Variants in CTNNA3 observed in about 807,000 individuals in gnomAD.
The protein encoded by CTNNA3 is catenin alpha 3.
In CTNNA3, 76 loss-of-function variants were observed where a neutral mutation model predicts 95.7. The observed-to-expected ratio is 0.79, with a 90% CI of 0.66 to 0.96. CTNNA3 has a LOEUF of 0.96. CTNNA3 is among the 40% of genes least tolerant of loss of function. The pLI is 0.00. For synonymous variants in CTNNA3, 431 were observed against 374.4 expected, an observed-to-expected ratio of 1.15 and a Z score of -1.74; for missense variants, 1,191 against 1,089.8, an observed-to-expected ratio of 1.09 and a Z score of -1.31.
intron 7 of CTNNA3, among the ~76,000 whole-genome samples, chr10:66,816,398 T>C (rs1842087493): frequency 6.6e-6 from 1 of 152,052 alleles, no homozygotes; most frequent in Non-Finnish European, 1.5e-5. Flanking sequence ...AAAAATCGAC[T>C]AATGGATTTT....
At chr10:66,642,073 T>C (rs1327625250) in intron 9 of CTNNA3, among the ~76,000 whole-genome samples, 2 of 152,082 alleles carry the variant, frequency 1.3e-5, no homozygotes, top group Non-Finnish European at 2.9e-5. Flanking sequence ...TGCCATGATA[T>C]GTGGATAAAA....
chr10:67,747,458 G>A (rs958454337), intron 1 of CTNNA3, among the ~76,000 whole-genome samples: 2 of 152,102 alleles, frequency 1.3e-5, no homozygotes, highest in Admixed American at 6.6e-5. Flanking sequence ...AACATCTCCA[G>A]GTGCGAGAGG....
chr10:67,381,701 T>C (rs1843953091), intron 5 of CTNNA3, among the ~76,000 whole-genome samples: 1 of 152,178 alleles, frequency 6.6e-6, no homozygotes, highest in Non-Finnish European at 1.5e-5. Context: ...ATATACAACA[T>C]ACATACAGTC....
At chr10:67,742,882 A>G (rs567907037) in intron 1 of CTNNA3, among the ~76,000 whole-genome samples, 2 of 151,544 alleles carry the variant, frequency 1.3e-5, no homozygotes, top group African/African-American at 4.8e-5. Flanking sequence ...ACCTCTACAC[A>G]AATAAACTAG....
intron 6 of CTNNA3, among the ~76,000 whole-genome samples, chr10:67,219,086 T>G (rs1240080927): frequency 6.6e-6 from 1 of 152,192 alleles, no homozygotes; most frequent in Non-Finnish European, 1.5e-5. Flanking sequence ...CTTCAAGCCT[T>G]TGCTCTAGAT....
intron 9 of CTNNA3, among the ~76,000 whole-genome samples, chr10:66,702,039 T>A (rs2132574224): frequency 6.6e-6 from 1 of 152,304 alleles, no homozygotes; most frequent in Admixed American, 6.5e-5. Context: ...ACAATCATTC[T>A]TGATTTTGAA....
chr10:67,315,336 G>A (rs1014915010), intron 5 of CTNNA3, among the ~76,000 whole-genome samples: 1 of 152,062 alleles, frequency 6.6e-6, no homozygotes, highest in African/African-American at 2.4e-5. Context: ...CAAATTGATT[G>A]ACAACTTAGC....
intron 2 of CTNNA3, 113 bp from the exon 3 acceptor site, chr10:67,607,162 G>T: frequency 1.3e-6 from 1 of 794,624 alleles, no homozygotes; most frequent in Non-Finnish European, 1.9e-6. Context: ...AGCAACTCAA[G>T]GGCTAGGGGC....
At chr10:66,057,870 A>G (rs771310672) in intron 15 of CTNNA3, among the ~76,000 whole-genome samples, 4 of 152,152 alleles carry the variant, frequency 2.6e-5, no homozygotes, top group Non-Finnish European at 4.4e-5. Context: ...CATATTTTAT[A>G]TTTCAATTAT....
intron 13 of CTNNA3, among the ~76,000 whole-genome samples, chr10:66,134,551 T>C (rs756813050): frequency 3.6e-4 from 55 of 152,110 alleles, no homozygotes; most frequent in Non-Finnish European, 1.5e-4. Flanking sequence ...AGTATAAGAA[T>C]ATATAGGTAT....
At chr10:67,571,237 T>C (rs776672645) in intron 3 of CTNNA3, among the ~76,000 whole-genome samples, 14 of 152,176 alleles carry the variant, frequency 9.2e-5, no homozygotes, top group Non-Finnish European at 1.6e-4. Context: ...TAGAGCTACC[T>C]GGTTAGTTAT....
At chr10:66,935,565 T>C (rs941183880) in intron 7 of CTNNA3, among the ~76,000 whole-genome samples, 9 of 152,028 alleles carry the variant, frequency 5.9e-5, no homozygotes, top group African/African-American at 1.9e-4. Context: ...CTTTCTAATA[T>C]GGCAGAGGAC....
At chr10:65,974,536 AG>A (rs1200485183) in intron 16 of CTNNA3, among the ~76,000 whole-genome samples, 2 of 152,160 alleles carry the variant, frequency 1.3e-5, no homozygotes, top group Non-Finnish European at 2.9e-5. Flanking sequence ...TAGGAGGTAA[AG>A]AATGGGTAAT....
At chr10:67,519,687 T>G (rs775290315) in intron 5 of CTNNA3, among the ~76,000 whole-genome samples, 3 of 152,116 alleles carry the variant, frequency 2.0e-5, no homozygotes, top group Non-Finnish European at 2.9e-5. Flanking sequence ...CTTTTGGAGC[T>G]TATGTTCTGT....
intron 6 of CTNNA3, among the ~76,000 whole-genome samples, chr10:67,206,891 G>A (rs948881751): frequency 1.3e-5 from 2 of 152,110 alleles, no homozygotes; most frequent in African/African-American, 4.8e-5. Context: ...AGCACTTTGG[G>A]AGGCTGAGGC....
At chr10:66,613,362 T>A (rs1326374400) in intron 10 of CTNNA3, among the ~76,000 whole-genome samples, 1 of 151,876 alleles carries the variant, frequency 6.6e-6, no homozygotes, top group Non-Finnish European at 1.5e-5. Context: ...AAATCCCCAC[T>A]CCCTGCCCCT....
chr10:67,176,988 AAAG>A, intron 7 of CTNNA3: 1 of 496,426 alleles, frequency 2.0e-6, no homozygotes, highest in South Asian at 1.5e-5. Flanking sequence ...TACAGAGCTG[AAAG>A]ACAGAAATTT....
intron 9 of CTNNA3, among the ~76,000 whole-genome samples, chr10:66,689,571 A>G (rs991689792): frequency 6.6e-6 from 1 of 152,172 alleles, no homozygotes; most frequent in Admixed American, 6.6e-5. Context: ...TATCATATTA[A>G]AATATTATGG....
chr10:67,148,794 AG>A (rs1860955843), intron 7 of CTNNA3, among the ~76,000 whole-genome samples: 1 of 152,248 alleles, frequency 6.6e-6, no homozygotes, highest in Non-Finnish European at 1.5e-5. Flanking sequence ...GCTTGCAGTA[AG>A]CATTACTGCC....
Sources: gnomAD v4.1 joint callset for allele counts (sites outside exome capture counted in the v4.1 genomes callset) on GRCh38, gnomAD v4.1.1 for gene constraint, MANE v1.5 for transcripts, NCBI Gene and HGNC (gene_info 2026-07-23, HGNC 2026-07-21) for gene names.